JADE1: variants seen among roughly 807,000 people sequenced by gnomAD.
JADE1 encodes jade family PHD finger 1.
JADE1 carries 14 observed loss-of-function variants against 81.8 expected under a neutral mutation model. The ratio of observed to expected loss-of-function variants is 0.17; its 90% CI spans 0.11 to 0.27. The LOEUF (loss-of-function observed/expected upper bound fraction) is 0.27, where lower values mean the gene tolerates loss of function less well. Ranked by LOEUF, JADE1 falls within the 10% of genes least tolerant of loss-of-function variation. The probability of loss-of-function intolerance (pLI) is 1.00; values close to 1 mark genes in which losing one functional copy is unlikely to be tolerated. For missense variants in JADE1, 690 were observed against 1,047.9 expected, an observed-to-expected ratio of 0.66 and a Z score of 4.71; for synonymous variants, 353 against 391.9, an observed-to-expected ratio of 0.90 and a Z score of 1.17.
rs1348166570 is a variant in JADE1 at position 128,852,692 on chromosome 4, G to A, written c.696+424G>A. On this transcript the variant is annotated intron_variant, in intron 6 of 10. Coordinates refer to ENST00000226319, the MANE Select transcript of JADE1 (RefSeq NM_199320.4). Reference sequence around the variant, plus strand: ...TGGAACAGACAAATTACTACAGACTGTGTGTGCTTAAAACAACAAAAATGT... The same window carrying A: ...TGGAACAGACAAATTACTACAGACTATGTGTGCTTAAAACAACAAAAATGT... Among the ~76,000 whole-genome samples the A allele has an allele frequency of 4.6e-5, 7 of 152,210 alleles. No individual in the cohort carries two copies. The South Asian group carries it at 1.4e-3, about 31-fold the overall frequency.
intron 1 of JADE1, among the ~76,000 whole-genome samples, chr4:128,822,652 G>T (rs1727691397): frequency 6.6e-6 from 1 of 151,972 alleles, no homozygotes; most frequent in Non-Finnish European, 1.5e-5. Flanking sequence ...CTGGGAGGCG[G>T]AGGTTGCGGT....
chr4:128,813,541 CCT>C (rs1560717231), intron 1 of JADE1, among the ~76,000 whole-genome samples: 1 of 151,970 alleles, frequency 6.6e-6, no homozygotes, highest in Admixed American at 6.6e-5. Flanking sequence ...GCCTCAGCCC[CCT>C]GAGTAGCTGG....
Position 128,855,662 on chromosome 4 carries a change from C to T in JADE1, c.729C>T (p.Gly243=). 1 of 1,613,872 alleles carries T rather than the reference C, an allele frequency of 6.2e-7. No individual in the cohort carries two copies. The highest frequency in any genetic ancestry group is 8.5e-7 in the Non-Finnish European group (1 of 1,179,834). ...ACYGILKVPE[G]SWLCRTCALG... ...ATGGAATCCTCAAGGTACCAGAGGGCAGCTGGCTGTGCCGGACATGTGCCC... is the reference window on the plus strand; with the variant it reads ...ATGGAATCCTCAAGGTACCAGAGGGTAGCTGGCTGTGCCGGACATGTGCCC... The change falls in exon 7 of 11, where the codon GGC becomes GGT. Residue 243 remains glycine (G), a synonymous_variant. Transcript: ENST00000226319.
In JADE1 at chr4:128,857,236, G is replaced by A. The variant is rs1289879392; in HGVS notation, c.865-102G>A. 8 of 899,846 alleles carry A rather than the reference G, an allele frequency of 8.9e-6. No homozygotes were observed. The South Asian group carries it at 1.0e-4, about 11-fold the overall frequency. 55.7% of individuals were successfully genotyped at this position (899,846 alleles called of 1,614,324 possible). A position where few individuals can be genotyped will look rare whatever the true frequency, so the allele number is the denominator to read the frequency against. On this transcript the variant is annotated intron_variant, in intron 7 of 10. Coordinates refer to ENST00000226319, the MANE Select transcript of JADE1 (RefSeq NM_199320.4). The stretch of plus-strand genomic sequence containing the variant: ...AGTGGGTGCCCCTTGCCACTGTCTG[G>A]TAGGAGAGATGTAGGAAAGTAATGG...
rs561763457 is a variant in JADE1, at chr4:128,837,103, G to A, written c.52+5293G>A. Among the ~76,000 whole-genome samples, 10 of 152,244 alleles carry A rather than the reference G, an allele frequency of 6.6e-5. No homozygotes were observed. The East Asian group carries it at 1.7e-3, about 26-fold the overall frequency. ...TGACTTCCTTAAATTTCAGAGATTTGTTGACTTTCTTTGGGAAGAAGGTCT... is the reference window on the plus strand; with the variant it reads ...TGACTTCCTTAAATTTCAGAGATTTATTGACTTTCTTTGGGAAGAAGGTCT... On this transcript the variant is annotated intron_variant, in intron 2 of 10. Transcript: ENST00000226319.
intron 1 of JADE1, among the ~76,000 whole-genome samples, chr4:128,823,886 G>T (rs1328027775): frequency 2.6e-5 from 4 of 152,126 alleles, no homozygotes; most frequent in African/African-American, 9.7e-5. Flanking sequence ...AAAAACTGAG[G>T]TAAGAAACCA....
intron 1 of JADE1, among the ~76,000 whole-genome samples, chr4:128,813,409 T>TG (rs1163989135): frequency 1.1e-5 from 1 of 88,996 alleles, no homozygotes; most frequent in Middle Eastern, 4.6e-3. Flanking sequence ...TACGGTCACT[T>TG]TTTTTTTTTT....
At chr4:128,822,391 A>G (rs1727657217) in intron 1 of JADE1, among the ~76,000 whole-genome samples, 3 of 152,138 alleles carry the variant, frequency 2.0e-5, no homozygotes, top group African/African-American at 4.8e-5. Context: ...CTTTACTATT[A>G]TAAGTGTAGT....
At chr4:128,827,888 T>G (rs1286530558) in intron 1 of JADE1, 3 of 985,158 alleles carry the variant, frequency 3.0e-6, no homozygotes, top group Non-Finnish European at 3.6e-6. Flanking sequence ...CAGAGTAATA[T>G]GCTGTGTTAC....
At chr4:128,845,680 C>T (rs563649014) in intron 3 of JADE1, among the ~76,000 whole-genome samples, 21 of 151,932 alleles carry the variant, frequency 1.4e-4, no homozygotes, top group Non-Finnish European at 2.8e-4. Context: ...TTTGGGTGGC[C>T]GAGGCAGGTA....
intron 9 of JADE1, among the ~76,000 whole-genome samples, chr4:128,865,606 T>TA (rs993195647): frequency 3.3e-5 from 5 of 152,102 alleles, no homozygotes; most frequent in African/African-American, 1.2e-4. Flanking sequence ...ACTTTATGCA[T>TA]AAGGGAAGTC....
intron 2 of JADE1, among the ~76,000 whole-genome samples, chr4:128,838,538 C>G (rs529383977): frequency 6.6e-6 from 1 of 152,098 alleles, no homozygotes; most frequent in Non-Finnish European, 1.5e-5. Flanking sequence ...AAATGCAAAC[C>G]AACCCAGTGT....
chr4:128,814,881 T>C (rs1482583733), intron 1 of JADE1, among the ~76,000 whole-genome samples: 1 of 151,706 alleles, frequency 6.6e-6, no homozygotes, highest in Admixed American at 6.6e-5. Context: ...CTTTTTTTTT[T>C]CTGTCAGCTA....
intron 1 of JADE1, among the ~76,000 whole-genome samples, chr4:128,822,470 T>C (rs969090964): frequency 1.3e-4 from 20 of 151,818 alleles, no homozygotes; most frequent in Non-Finnish European, 2.8e-4. Context: ...CCCAGCACTT[T>C]GGGAGGCCGA....
chr4:128,866,141 A>G (rs569544212), intron 9 of JADE1, among the ~76,000 whole-genome samples: 7 of 152,360 alleles, frequency 4.6e-5, no homozygotes, highest in South Asian at 2.1e-4. Flanking sequence ...GAGAATTTCT[A>G]TAAAGGACAC....
At chr4:128,825,938 T>C (rs759361478) in intron 1 of JADE1, among the ~76,000 whole-genome samples, 1 of 152,170 alleles carries the variant, frequency 6.6e-6, no homozygotes, top group Non-Finnish European at 1.5e-5. Context: ...CTTCGTGCAG[T>C]GAGTGGAGTA....
At chr4:128,831,597 A>T in intron 1 of JADE1, 136 bp from the exon 2 acceptor site, 2 of 696,156 alleles carry the variant, frequency 2.9e-6, no homozygotes, top group Non-Finnish European at 5.0e-6. Flanking sequence ...TGGTCTTTTT[A>T]CTGTTTACAA....
chr4:128,843,050 A>G lies in JADE1; in HGVS notation c.138+12A>G, dbSNP rs1224043166. ...GAAAGCCTTCAGAGGTACTTCTTGA[A>G]TGCTTGCCTGACCGTGCATGAATAT... On this transcript the variant is annotated intron_variant, in intron 3 of 10. Transcript: ENST00000226319. 1.2e-6 allele frequency: 2 copies of G among 1,608,840 alleles called. No homozygotes were observed. Among genetic ancestry groups the G allele is most frequent in the East Asian group, 2.2e-5 (1 of 44,828 alleles).
chr4:128,824,756 T>G (rs1727895996), intron 1 of JADE1, among the ~76,000 whole-genome samples: 1 of 152,202 alleles, frequency 6.6e-6, no homozygotes, highest in Non-Finnish European at 1.5e-5. Flanking sequence ...TTTAATTGAG[T>G]ACCTTCTAGA....
Sources: allele counts gnomAD v4.1 joint callset (sites outside exome capture counted in the v4.1 genomes callset), GRCh38; gene constraint gnomAD v4.1.1; transcripts MANE v1.5; gene names NCBI Gene and HGNC (gene_info 2026-07-23, HGNC 2026-07-21).